Variants in ACOT7 observed in about 807,000 individuals in gnomAD.
ACOT7 encodes the protein acyl-CoA thioesterase 7, also known as cytosolic acyl coenzyme A thioester hydrolase.
In ACOT7, 12 loss-of-function variants were observed where a neutral mutation model predicts 40.2. The ratio of observed to expected loss-of-function variants is 0.30; its 90% CI spans 0.19 to 0.48. The LOEUF (loss-of-function observed/expected upper bound fraction) is 0.48. ACOT7 is among the 20% of genes least tolerant of loss of function. The pLI is 0.99. For synonymous variants in ACOT7, 228 were observed against 219.5 expected, an observed-to-expected ratio of 1.04 and a Z score of -0.34; for missense variants, 395 against 530.8, an observed-to-expected ratio of 0.74 and a Z score of 2.51.
chr1:6,331,661 G>A (rs7512620), intron 4 of ACOT7, among the ~76,000 whole-genome samples: 3,148 of 152,278 alleles, frequency 0.021, 110 homozygotes, highest in African/African-American at 0.072. Flanking sequence ...CTGGCATGCT[G>A]CCATCCTGCT....
intron 1 of ACOT7, chr1:6,385,934 G>C: frequency 1.1e-6 from 1 of 940,088 alleles, no homozygotes; most frequent in East Asian, 3.0e-5. Context: ...CTCACAGACA[G>C]GGAAACAGGA....
intron 2 of ACOT7, among the ~76,000 whole-genome samples, chr1:6,345,887 G>A (rs745488579): frequency 6.6e-6 from 1 of 152,354 alleles, no homozygotes; most frequent in African/African-American, 2.4e-5. Context: ...TTACTCGGTG[G>A]ACGCTCTCCA....
chr1:6,332,903 G>C (rs951295892), intron 4 of ACOT7, among the ~76,000 whole-genome samples: 1 of 152,142 alleles, frequency 6.6e-6, no homozygotes, highest in African/African-American at 2.4e-5. Flanking sequence ...AGAAATGAGA[G>C]AAACACAGAG....
rs139028727 is a variant in ACOT7, at chr1:6,354,162, G to A, written c.144-4296C>T. 1.1e-4 allele frequency among the ~76,000 whole-genome samples: 16 copies of A among 152,020 alleles called. No individual in the cohort carries two copies. In the East Asian group the frequency reaches 1.9e-3, roughly 18 times the overall value. ...ACCCACTCTCAGCCACCCCACTCCC[G>A]GCCGGTGTCCCCTCTGGAGGTGGCA... On this transcript the variant is annotated intron_variant, in intron 1 of 8. Transcript: ENST00000361521.
chr1:6,345,962 T>C (rs1275296199), intron 2 of ACOT7, among the ~76,000 whole-genome samples: 1 of 152,202 alleles, frequency 6.6e-6, no homozygotes, highest in Non-Finnish European at 1.5e-5. Context: ...GCACGCTCTA[T>C]GCTCAGTCTG....
Position 6,274,143 on chromosome 1 carries a change from C to T in ACOT7, c.1014+6959G>A, listed in dbSNP as rs1057235195. On this transcript the variant is annotated intron_variant, in intron 8 of 8. Transcript: ENST00000361521. This position sits in a 1 kb window ranked among gnomAD's most constrained non-coding sequence, Gnocchi z 5.9. Reference sequence around the variant, plus strand: ...TCCTGGGGGTGGGGAGCAGCAGGCACCATCATGGAAAGCTTGCCCCATGCT... The same window carrying T: ...TCCTGGGGGTGGGGAGCAGCAGGCATCATCATGGAAAGCTTGCCCCATGCT... 2.0e-5 allele frequency among the ~76,000 whole-genome samples: 3 copies of T among 152,168 alleles called. No homozygotes were observed. The highest frequency in any genetic ancestry group is 7.2e-5 in the African/African-American group (3 of 41,444).
rs1000687873 is a variant in ACOT7 at position 6,352,551 on chromosome 1, AG to A, written c.144-2686del. Among the ~76,000 whole-genome samples, 1 of 151,608 alleles carries A rather than the reference AG, an allele frequency of 6.6e-6. No homozygotes were observed. Among genetic ancestry groups the A allele is most frequent in the African/African-American group, 2.4e-5 (1 of 41,304 alleles). Reference sequence around the variant, plus strand: ...AGGCAGGGGTGAGAGCCAGGGAGCCAGGGAAGCTGCTGCGTCTCACTGGAGA... The same window carrying A: ...AGGCAGGGGTGAGAGCCAGGGAGCCAGGAAGCTGCTGCGTCTCACTGGAGA... On this transcript the variant is annotated intron_variant, in intron 1 of 8. Coordinates refer to ENST00000361521, the MANE Select transcript of ACOT7 (RefSeq NM_007274.4). The surrounding 1 kb of genome is among the most constrained non-coding windows in gnomAD (Gnocchi z 4.5).
chr1:6,385,070 C>T (rs1300767292), intron 1 of ACOT7, among the ~76,000 whole-genome samples: 1 of 151,918 alleles, frequency 6.6e-6, no homozygotes, highest in Non-Finnish European at 1.5e-5. Flanking sequence ...ATCAGCCAAT[C>T]GTGCAGGAAC....
rs1178847256 is a variant in ACOT7, at chr1:6,359,305, C to T, written c.144-9439G>A. 1.2e-5 allele frequency: 2 copies of T among 161,306 alleles called. No homozygotes were observed. Among genetic ancestry groups the T allele is most frequent in the African/African-American group, 4.8e-5 (2 of 41,612 alleles). 10.0% of individuals were successfully genotyped at this position (161,306 alleles called of 1,614,324 possible). The stretch of plus-strand genomic sequence containing the variant: ...AAATGTAGACAGGGGAGGAAGGTCA[C>T]AGGCCAGCAAGGACTCCAGCAGGTC... On this transcript the variant is annotated intron_variant, in intron 1 of 8. Transcript: ENST00000361521. This position sits in a 1 kb window ranked among gnomAD's most constrained non-coding sequence, Gnocchi z 4.1.
intron 3 of ACOT7, among the ~76,000 whole-genome samples, chr1:6,337,246 C>T (rs546667957): frequency 2.0e-5 from 3 of 152,174 alleles, no homozygotes; most frequent in Non-Finnish European, 4.4e-5. Context: ...GCTGGGAGGC[C>T]GAGAAGCTCC....
intron 1 of ACOT7, among the ~76,000 whole-genome samples, chr1:6,388,291 A>G (rs1413526295): frequency 6.6e-6 from 1 of 151,706 alleles, no homozygotes; most frequent in East Asian, 2.0e-4. Flanking sequence ...TTGTATTTTT[A>G]GTAGAGATGG....
At chr1:6,266,979 C>T (rs1297246467) in intron 8 of ACOT7, among the ~76,000 whole-genome samples, 1 of 152,226 alleles carries the variant, frequency 6.6e-6, no homozygotes, top group East Asian at 1.9e-4. Flanking sequence ...GGCTGGATCG[C>T]ACTCAGGCGC....
At chr1:6,369,257 AG>A (rs1286642027) in intron 1 of ACOT7, among the ~76,000 whole-genome samples, 1 of 152,164 alleles carries the variant, frequency 6.6e-6, no homozygotes, top group African/African-American at 2.4e-5. Context: ...TTGGGATTAC[AG>A]GCGTGAGCCA....
chr1:6,268,909 G>A (rs902372292), intron 8 of ACOT7, among the ~76,000 whole-genome samples: 3 of 152,178 alleles, frequency 2.0e-5, no homozygotes, highest in African/African-American at 7.2e-5. Flanking sequence ...GAGGGCGTGG[G>A]AGGACCACCC....
intron 3 of ACOT7, among the ~76,000 whole-genome samples, chr1:6,336,251 T>C (rs1410658779): frequency 6.7e-6 from 1 of 148,286 alleles, no homozygotes; most frequent in South Asian, 2.1e-4. Context: ...GGAGAATCAC[T>C]TGAACCTGAG....
intron 7 of ACOT7, among the ~76,000 whole-genome samples, chr1:6,286,161 C>G (rs1485295099): frequency 2.6e-5 from 4 of 152,356 alleles, no homozygotes; most frequent in South Asian, 4.1e-4. Flanking sequence ...CACCACATCA[C>G]CCGTCCAAAT....
intron 5 of ACOT7, among the ~76,000 whole-genome samples, chr1:6,320,195 C>T (rs982138322): frequency 3.3e-5 from 5 of 152,204 alleles, no homozygotes; most frequent in Admixed American, 2.0e-4. Context: ...CTAGCACACA[C>T]GAAGCCCTGT....
At chr1:6,365,679 A>C (rs1458879267) in intron 1 of ACOT7, among the ~76,000 whole-genome samples, 2 of 151,586 alleles carry the variant, frequency 1.3e-5, no homozygotes, top group African/African-American at 4.8e-5. Context: ...GAGGCAGAAG[A>C]ATGGCGTAAA....
rs567717414 is a variant in ACOT7, at chr1:6,278,455, GC to G, written c.1014+2646del. ...AAGAGCTGTTCGGGAGAGGAGTGGA[GC>G]GGCACTGGGTGGGCGTGGGCATGGG... On this transcript the variant is annotated intron_variant, in intron 8 of 8. Coordinates refer to ENST00000361521, the MANE Select transcript of ACOT7 (RefSeq NM_007274.4). The surrounding 1 kb of genome is among the most constrained non-coding windows in gnomAD (Gnocchi z 4.1). Among the ~76,000 whole-genome samples, 23 of 152,204 alleles carry G rather than the reference GC, an allele frequency of 1.5e-4. 1 individual carries two copies. Among genetic ancestry groups the G allele is most frequent in the Admixed American group, 1.0e-3 (16 of 15,286 alleles).
Sources: gnomAD v4.1 joint callset for allele counts (sites outside exome capture counted in the v4.1 genomes callset) on GRCh38, gnomAD v4.1.1 for gene constraint, Gnocchi (gnomAD v3.1) non-coding constraint, MANE v1.5 for transcripts, NCBI Gene and HGNC (gene_info 2026-07-23, HGNC 2026-07-21) for gene names.